Variants in ARL6IP6 observed in about 807,000 individuals in gnomAD.
The protein encoded by ARL6IP6 is ADP-ribosylation factor-like protein 6-interacting protein 6.
ARL6IP6 carries 22 observed loss-of-function variants against 21.5 expected under a neutral mutation model. The observed-to-expected ratio is 1.02, with a 90% CI of 0.73 to 1.46. ARL6IP6 has a LOEUF of 1.46. Ranked by LOEUF, ARL6IP6 falls within the 40% of genes most tolerant of loss-of-function variation. ARL6IP6 has a pLI of 0.00. For synonymous variants in ARL6IP6, 164 were observed against 125.3 expected, an observed-to-expected ratio of 1.31 and a Z score of -2.06; for missense variants, 388 against 299.8, an observed-to-expected ratio of 1.29 and a Z score of -2.17.
In ARL6IP6 at chr2:152,761,025, G is replaced by A. The variant is rs962731361; in HGVS notation, c.*1185G>A. On this transcript the variant is annotated 3_prime_UTR_variant, in exon 4 of 4. Transcript: ENST00000326446. ...TTTAGAAAGATGGACTACTTACAAA[G>A]CTGTTTTCCCTGGCCATAGGAAAAC... is the stretch of plus-strand genomic sequence containing the variant. 1 of 151,990 alleles carries A rather than the reference G, an allele frequency of 6.6e-6. No individual in the cohort carries two copies. 9.4% of individuals were successfully genotyped at this position (151,990 alleles called of 1,614,324 possible).
intron 2 of ARL6IP6, 25 bp downstream of exon 2, chr2:152,720,611 T>C: frequency 1.9e-6 from 3 of 1,604,414 alleles, no homozygotes; most frequent in Non-Finnish European, 2.6e-6. Context: ...GCCGCTTGCT[T>C]TGGTTTTGAG....
chr2:152,744,094 TC>T (rs1218487954), intron 3 of ARL6IP6, among the ~76,000 whole-genome samples: 3 of 152,162 alleles, frequency 2.0e-5, no homozygotes, highest in African/African-American at 7.2e-5. Flanking sequence ...ATAACTCTGT[TC>T]AGTTTAATGA....
chr2:152,745,060 CTG>C, intron 3 of ARL6IP6, among the ~76,000 whole-genome samples: 1 of 152,182 alleles, frequency 6.6e-6, no homozygotes, highest in South Asian at 2.1e-4. Flanking sequence ...GTGTTGTTAA[CTG>C]TAGTAGGGAG....
intron 3 of ARL6IP6, among the ~76,000 whole-genome samples, chr2:152,753,942 C>G (rs1316248755): frequency 6.6e-6 from 1 of 152,052 alleles, no homozygotes; most frequent in Non-Finnish European, 1.5e-5. Context: ...ACCTTGTGGT[C>G]CACCCGCCTC....
At chr2:152,740,127 TG>T (rs749532961) in intron 3 of ARL6IP6, among the ~76,000 whole-genome samples, 1 of 152,180 alleles carries the variant, frequency 6.6e-6, no homozygotes, top group Non-Finnish European at 1.5e-5. Flanking sequence ...AGACAAGGTC[TG>T]GTTTGGTTCT....
intron 3 of ARL6IP6, among the ~76,000 whole-genome samples, chr2:152,744,078 TTGAGTA>T (rs1284903721): frequency 2.0e-5 from 3 of 152,142 alleles, no homozygotes; most frequent in African/African-American, 7.2e-5. Flanking sequence ...AATCTCCACC[TTGAGTA>T]TAACTCTGTT....
intron 2 of ARL6IP6, chr2:152,732,611 C>T (rs1401544773): frequency 2.3e-6 from 1 of 429,968 alleles, no homozygotes; most frequent in Admixed American, 3.0e-5. Flanking sequence ...TTTTGTCATT[C>T]AATTTGACAT....
chr2:152,750,607 T>C (rs1164842600), intron 3 of ARL6IP6, among the ~76,000 whole-genome samples: 1 of 149,616 alleles, frequency 6.7e-6, no homozygotes, highest in Admixed American at 6.7e-5. Context: ...AAATCTTAAG[T>C]TGGAGTTCCA....
chr2:152,718,465 G>A (rs1559214581), upstream of ARL6IP6: 4 of 1,043,894 alleles, frequency 3.8e-6, no homozygotes, highest in African/African-American at 3.3e-5. Context: ...TGGCCCTGCG[G>A]CTTCCTTTGC....
intron 3 of ARL6IP6, among the ~76,000 whole-genome samples, chr2:152,746,172 C>T (rs1271425680): frequency 6.6e-6 from 1 of 151,968 alleles, no homozygotes; most frequent in East Asian, 1.9e-4. Context: ...CATGCGCCAC[C>T]ACATCTGGCT....
At chr2:152,732,568 G>A (rs531612486) in intron 2 of ARL6IP6, 4 of 456,248 alleles carry the variant, frequency 8.8e-6, no homozygotes, top group Non-Finnish European at 1.8e-5. Context: ...CCCTTATGCT[G>A]TAAGTTGCAA....
intron 3 of ARL6IP6, among the ~76,000 whole-genome samples, chr2:152,736,781 G>A (rs1451386996): frequency 6.6e-6 from 1 of 152,132 alleles, no homozygotes; most frequent in African/African-American, 2.4e-5. Flanking sequence ...AAACAGTATA[G>A]ACAACTATTT....
At chr2:152,753,056 A>G (rs1353122394) in intron 3 of ARL6IP6, among the ~76,000 whole-genome samples, 3 of 152,032 alleles carry the variant, frequency 2.0e-5, no homozygotes, top group Non-Finnish European at 4.4e-5. Flanking sequence ...GAGGATCACC[A>G]GAGCCCCGAG....
intron 1 of ARL6IP6, chr2:152,719,770 A>C (rs1308807869): frequency 6.2e-5 from 20 of 321,326 alleles, no homozygotes; most frequent in Admixed American, 1.8e-4. Flanking sequence ...AAAAAAAAAA[A>C]AAAACAAAAG....
At chr2:152,740,895 T>C (rs1313373432) in intron 3 of ARL6IP6, among the ~76,000 whole-genome samples, 1 of 152,134 alleles carries the variant, frequency 6.6e-6, no homozygotes, top group East Asian at 1.9e-4. Flanking sequence ...CTCTAGTGTT[T>C]ATGGAAAATA....
intron 3 of ARL6IP6, among the ~76,000 whole-genome samples, chr2:152,748,892 C>T (rs1269337662): frequency 1.3e-5 from 2 of 152,120 alleles, no homozygotes; most frequent in Non-Finnish European, 2.9e-5. Flanking sequence ...CCAAAACTAG[C>T]ATAAAAACAA....
rs1208464732 is a variant in ARL6IP6 at position 152,761,439 on chromosome 2, C to T, written c.*1599C>T. Among the ~76,000 whole-genome samples, 1 of 152,164 alleles carries T rather than the reference C, an allele frequency of 6.6e-6. No individual in the cohort carries two copies. Among genetic ancestry groups the T allele is most frequent in the South Asian group, 2.1e-4 (1 of 4,826 alleles). Reference sequence around the variant, plus strand: ...AAGTAACAGAATCAATTTATCTTCTCTCCACCACTCTGTATTCCCACGCAC... The same window carrying T: ...AAGTAACAGAATCAATTTATCTTCTTTCCACCACTCTGTATTCCCACGCAC... On this transcript the variant is annotated 3_prime_UTR_variant, in exon 4 of 4. Transcript: ENST00000326446.
intron 3 of ARL6IP6, among the ~76,000 whole-genome samples, chr2:152,741,476 T>A (rs1700806066): frequency 6.6e-6 from 1 of 152,028 alleles, no homozygotes; most frequent in Non-Finnish European, 1.5e-5. Flanking sequence ...ATCAATTGTG[T>A]TTCCTTAGAA....
chr2:152,736,957 T>C (rs1700580938), intron 3 of ARL6IP6, among the ~76,000 whole-genome samples: 1 of 152,178 alleles, frequency 6.6e-6, no homozygotes, highest in African/African-American at 2.4e-5. Context: ...AATCTCCCAG[T>C]GGATACCAAG....
Sources: allele counts gnomAD v4.1 joint callset (sites outside exome capture counted in the v4.1 genomes callset), GRCh38; gene constraint gnomAD v4.1.1; transcripts MANE v1.5; gene names NCBI Gene and HGNC (gene_info 2026-07-23, HGNC 2026-07-21).